NMNAT2: variants seen among roughly 807,000 people sequenced by gnomAD.
NMNAT2 encodes nicotinamide nucleotide adenylyltransferase 2, also known as nicotinamide/nicotinic acid mononucleotide adenylyltransferase 2.
A neutral mutation model predicts 41.6 loss-of-function variants in NMNAT2; 11 were observed. The ratio of observed to expected loss-of-function variants is 0.26; its 90% confidence interval spans 0.17 to 0.44. The LOEUF (loss-of-function observed/expected upper bound fraction) is 0.44. Ranked by LOEUF, NMNAT2 falls within the 20% of genes least tolerant of loss-of-function variation. NMNAT2 has a pLI of 1.00. For missense variants in NMNAT2, 288 were observed against 407.7 expected (o/e 0.71, Z 2.53); for synonymous variants, 148 against 151.2 (o/e 0.98, Z 0.16).
At chr1:183,366,257 C>T (rs1199584409) in intron 1 of NMNAT2, among the ~76,000 whole-genome samples, 1 of 152,176 alleles carries the variant, frequency 6.6e-6, no homozygotes, top group Non-Finnish European at 1.5e-5. Context: ...AAGCTATACA[C>T]CTTGGGCAAA....
chr1:183,273,464 G>A (rs1571565144), intron 8 of NMNAT2, among the ~76,000 whole-genome samples: 1 of 152,212 alleles, frequency 6.6e-6, no homozygotes, highest in African/African-American at 2.4e-5. Flanking sequence ...ACAGAAGCAG[G>A]TCTCACATAT....
Position 183,331,876 on chromosome 1 carries a change from C to A in NMNAT2, c.86-38083G>T, listed in dbSNP as rs193025354. On this transcript the variant is annotated intron_variant, in intron 1 of 10. Coordinates refer to ENST00000287713, the MANE Select transcript of NMNAT2 (RefSeq NM_015039.4). ...AATCTGGGCTCACTACAACCTCTGC[C>A]TTCCCAGTTCAAGCGATTCTCCTGC... Among the ~76,000 whole-genome samples, 5 of 152,358 alleles carry A rather than the reference C, an allele frequency of 3.3e-5. No homozygotes were observed. The East Asian group carries it at 9.6e-4, about 29-fold the overall frequency.
At chr1:183,271,496 T>TGG (rs1301233199) in intron 8 of NMNAT2, among the ~76,000 whole-genome samples, 1 of 152,218 alleles carries the variant, frequency 6.6e-6, no homozygotes, top group Non-Finnish European at 1.5e-5. Flanking sequence ...TTTTCTCACA[T>TGG]GGCTGGGTGC....
At chr1:183,304,812 A>C (rs1661959244) in intron 1 of NMNAT2, 1 of 1,607,866 alleles carries the variant, frequency 6.2e-7, no homozygotes, top group African/African-American at 1.3e-5. Context: ...AAAGTGGTGC[A>C]GCTGCTCCCT....
chr1:183,402,381 C>G (rs1040389377), intron 1 of NMNAT2, among the ~76,000 whole-genome samples: 1 of 152,106 alleles, frequency 6.6e-6, no homozygotes, highest in Non-Finnish European at 1.5e-5. Flanking sequence ...CTTGACTAAT[C>G]GGATTGTTGT....
In NMNAT2 at chr1:183,299,844, A is replaced by G. The variant is rs75445435; in HGVS notation, c.86-6051T>C. Among the ~76,000 whole-genome samples, 890 of 152,274 alleles carry G rather than the reference A, an allele frequency of 5.8e-3. 6 individuals carry two copies. The highest frequency in any genetic ancestry group is 0.014 in the Middle Eastern group (4 of 294). Reference sequence around the variant, plus strand: ...CTACCCTTTTGATAAGATAACATATAAACTATACATACACCTTTTACCAAT... The same window carrying G: ...CTACCCTTTTGATAAGATAACATATGAACTATACATACACCTTTTACCAAT... On this transcript the variant is annotated intron_variant, in intron 1 of 10. Coordinates refer to ENST00000287713, the MANE Select transcript of NMNAT2 (RefSeq NM_015039.4).
chr1:183,348,686 C>T (rs1662984603), intron 1 of NMNAT2, among the ~76,000 whole-genome samples: 1 of 152,180 alleles, frequency 6.6e-6, no homozygotes, highest in Non-Finnish European at 1.5e-5. Flanking sequence ...GATCCCTTTG[C>T]TTTAATGAAA....
At chr1:183,358,241 G>A (rs1663237959) in intron 1 of NMNAT2, among the ~76,000 whole-genome samples, 1 of 152,136 alleles carries the variant, frequency 6.6e-6, no homozygotes, top group Non-Finnish European at 1.5e-5. Context: ...ACACATAGAG[G>A]GGAACGACAC....
chr1:183,333,999 G>A (rs1662634689), intron 1 of NMNAT2, among the ~76,000 whole-genome samples: 1 of 152,156 alleles, frequency 6.6e-6, no homozygotes, highest in Admixed American at 6.5e-5. Flanking sequence ...AAGTAAGAAA[G>A]CCGAAAGGAG....
intron 1 of NMNAT2, among the ~76,000 whole-genome samples, chr1:183,314,605 G>T (rs982514891): frequency 2.0e-5 from 3 of 152,242 alleles, no homozygotes; most frequent in Non-Finnish European, 4.4e-5. Flanking sequence ...GCATTTCTCT[G>T]TTTCTAGCTC....
chr1:183,332,417 G>T (rs1662604482), intron 1 of NMNAT2, among the ~76,000 whole-genome samples: 1 of 152,094 alleles, frequency 6.6e-6, no homozygotes, highest in Admixed American at 6.5e-5. Flanking sequence ...GGCAGAATGT[G>T]ATATTAATCA....
At position 183,250,650 on chromosome 1, in the gene NMNAT2, G is replaced by A. The variant is rs1231895143; in HGVS notation, c.*1991C>T. The A allele has an allele frequency of 3.3e-5, 5 of 152,632 alleles. No individual in the cohort carries two copies. Among genetic ancestry groups the A allele is most frequent in the South Asian group, 2.1e-4 (1 of 4,832 alleles). 9.5% of individuals were successfully genotyped at this position (152,632 alleles called of 1,614,324 possible). ...CTGCTCCCTCAACTTTTAAAGGAAA[G>A]TGTTGGATCAACTGAACTCTAAAGT... is the stretch of plus-strand genomic sequence containing the variant. On this transcript the variant is annotated 3_prime_UTR_variant, in exon 11 of 11. Coordinates refer to ENST00000287713, the MANE Select transcript of NMNAT2 (RefSeq NM_015039.4).
chr1:183,267,364 T>A (rs1358572300), intron 8 of NMNAT2: 1 of 152,214 alleles, frequency 6.6e-6, no homozygotes, highest in Non-Finnish European at 1.5e-5. Flanking sequence ...TCCCCAGACC[T>A]CACCTGAGAA....
At position 183,249,532 on chromosome 1, in the gene NMNAT2, G is replaced by A. The variant is rs192493402; in HGVS notation, c.*3109C>T. Reference sequence around the variant, plus strand: ...GGAACAGGACCCCAGAGACAAAGTCGGGGGGTAGAGGTTATCCTGTTGGCA... The same window carrying A: ...GGAACAGGACCCCAGAGACAAAGTCAGGGGGTAGAGGTTATCCTGTTGGCA... On this transcript the variant is annotated 3_prime_UTR_variant, in exon 11 of 11. Coordinates refer to ENST00000287713, the MANE Select transcript of NMNAT2 (RefSeq NM_015039.4). 5 of 152,218 alleles carry A rather than the reference G, an allele frequency of 3.3e-5. No individual in the cohort carries two copies. Among genetic ancestry groups the A allele is most frequent in the Admixed American group, 2.0e-4 (3 of 15,270 alleles). 9.4% of individuals were successfully genotyped at this position (152,218 alleles called of 1,614,324 possible).
intron 1 of NMNAT2, among the ~76,000 whole-genome samples, chr1:183,339,014 G>T (rs569505202): frequency 6.6e-6 from 1 of 152,150 alleles, no homozygotes; most frequent in Non-Finnish European, 1.5e-5. Flanking sequence ...CCTGCCAGGC[G>T]ACCCTGCCCA....
At chr1:183,306,316 G>C (rs915043281) in intron 1 of NMNAT2, among the ~76,000 whole-genome samples, 2 of 152,134 alleles carry the variant, frequency 1.3e-5, no homozygotes, top group Non-Finnish European at 2.9e-5. Flanking sequence ...CTGGAAGCTA[G>C]AAAAGGCAAA....
At position 183,323,661 on chromosome 1, in the gene NMNAT2, T is replaced by C. The variant is rs183554439; in HGVS notation, c.86-29868A>G. ...CAGAGATTCCAGCACCAGCAAGAGA[T>C]GCTCCATTAGTATGGGTGAGCTGAT... On this transcript the variant is annotated intron_variant, in intron 1 of 10. Coordinates refer to ENST00000287713, the MANE Select transcript of NMNAT2 (RefSeq NM_015039.4). 3.9e-4 allele frequency among the ~76,000 whole-genome samples: 59 copies of C among 152,306 alleles called. 2 individuals carry two copies. In the East Asian group the frequency reaches 0.011, roughly 27 times the overall value.
intron 1 of NMNAT2, among the ~76,000 whole-genome samples, chr1:183,348,458 C>T (rs1471335251): frequency 6.6e-6 from 1 of 152,146 alleles, no homozygotes; most frequent in Non-Finnish European, 1.5e-5. Context: ...AAATCTAATC[C>T]AATATTAGAT....
intron 1 of NMNAT2, among the ~76,000 whole-genome samples, chr1:183,298,841 T>G (rs1162466952): frequency 6.6e-6 from 1 of 152,184 alleles, no homozygotes; most frequent in African/African-American, 2.4e-5. Context: ...ATGCTAATTC[T>G]CCCCAAAATG....
Sources: allele counts gnomAD v4.1 joint callset (sites outside exome capture counted in the v4.1 genomes callset), GRCh38; gene constraint gnomAD v4.1.1; transcripts MANE v1.5; gene names NCBI Gene and HGNC (gene_info 2026-07-23, HGNC 2026-07-21).